ROS1: variants seen among roughly 807,000 people sequenced by gnomAD.
ROS1 encodes the protein proto-oncogene tyrosine-protein kinase ROS.
Under a neutral mutation model 273.5 loss-of-function variants are expected in ROS1, and 263 were observed. The ratio of observed to expected loss-of-function variants is 0.96; its 90% CI spans 0.87 to 1.06. The LOEUF (loss-of-function observed/expected upper bound fraction) is 1.06, where lower values mean the gene tolerates loss of function less well. Ranked by LOEUF, ROS1 falls within the 50% of genes least tolerant of loss-of-function variation. ROS1 has a pLI of 0.00. For synonymous variants in ROS1, 1,008 were observed against 954.1 expected (o/e 1.06, Z -1.04); for missense variants, 2,833 against 2,751.1 (o/e 1.03, Z -0.67).
At chr6:117,423,782 T>A (rs373535467) in intron 1 of ROS1, among the ~76,000 whole-genome samples, 2 of 152,108 alleles carry the variant, frequency 1.3e-5, no homozygotes, top group South Asian at 4.2e-4. Flanking sequence ...TAAATGTCCA[T>A]GTTTTTAAAA....
intron 6 of ROS1, among the ~76,000 whole-genome samples, 157 bp from the exon 7 acceptor site, chr6:117,403,434 C>A (rs1217886888): frequency 1.3e-5 from 2 of 152,164 alleles, no homozygotes; most frequent in Non-Finnish European, 2.9e-5. Context: ...TATCAGCGTG[C>A]AGAATTCACT....
chr6:117,346,718 T>G (rs1479664908), intron 27 of ROS1, among the ~76,000 whole-genome samples: 1 of 152,146 alleles, frequency 6.6e-6, no homozygotes, highest in Non-Finnish European at 1.5e-5. Flanking sequence ...AGTAGTACAT[T>G]TGTTACAATC....
intron 29 of ROS1, 65 bp downstream of exon 29, chr6:117,342,335 C>G (rs922413469): frequency 1.4e-6 from 2 of 1,391,860 alleles, no homozygotes; most frequent in Non-Finnish European, 2.0e-6. Context: ...AAATAAACAT[C>G]AACATACACA....
At chr6:117,297,852 C>G (rs1284770881) in intron 43 of ROS1, among the ~76,000 whole-genome samples, 1 of 152,032 alleles carries the variant, frequency 6.6e-6, no homozygotes, top group African/African-American at 2.4e-5. Context: ...GCAATCAATC[C>G]AGCAATTCCA....
At chr6:117,424,263 A>T (rs190233381) in intron 1 of ROS1, among the ~76,000 whole-genome samples, 80 of 152,078 alleles carry the variant, frequency 5.3e-4, no homozygotes, top group African/African-American at 1.8e-3. Flanking sequence ...TCACAATACA[A>T]TGTAATGAAA....
intron 43 of ROS1, among the ~76,000 whole-genome samples, chr6:117,294,287 A>G (rs555933521): frequency 2.7e-4 from 41 of 152,308 alleles, no homozygotes; most frequent in Admixed American, 4.6e-4. Context: ...TATTCAACAT[A>G]GTACTGTAAG....
chr6:117,306,566 C>T (rs1775119852), intron 42 of ROS1, among the ~76,000 whole-genome samples: 1 of 152,128 alleles, frequency 6.6e-6, no homozygotes, highest in African/African-American at 2.4e-5. Context: ...CTGAACCTGG[C>T]ATTCCATTAA....
At chr6:117,354,725 T>C (rs551745142) in intron 26 of ROS1, among the ~76,000 whole-genome samples, 3 of 152,316 alleles carry the variant, frequency 2.0e-5, no homozygotes, top group South Asian at 2.1e-4. Context: ...GTTTTATACA[T>C]ATATAATGGT....
chr6:117,394,525 G>A, intron 10 of ROS1, 91 bp downstream of exon 10: 1 of 1,124,514 alleles, frequency 8.9e-7, no homozygotes, highest in Non-Finnish European at 1.2e-6. Context: ...ATATGTTCCA[G>A]AAATATTCAA....
At chr6:117,314,935 A>G (rs1207234511) in intron 39 of ROS1, among the ~76,000 whole-genome samples, 2 of 152,152 alleles carry the variant, frequency 1.3e-5, no homozygotes, top group African/African-American at 2.4e-5. Context: ...CAAGAATACT[A>G]AACATTTGAG....
chr6:117,316,096 A>G (rs1775899598), intron 39 of ROS1, among the ~76,000 whole-genome samples: 2 of 152,158 alleles, frequency 1.3e-5, no homozygotes, highest in Non-Finnish European at 2.9e-5. Flanking sequence ...CAAAATTGTG[A>G]TAATTGTCAG....
chr6:117,394,210 G>A lies in ROS1; in HGVS notation c.1143C>T (p.Ile381=). 1 of 1,602,940 alleles carries A rather than the reference G, an allele frequency of 6.2e-7. No individual in the cohort carries two copies. The highest frequency in any genetic ancestry group is 1.1e-5 in the South Asian group (1 of 88,800). Residue 381 remains isoleucine (I), a synonymous_variant, in exon 11 of 44, where the codon ATC becomes ATT. Coordinates refer to ENST00000368507, the MANE Select transcript of ROS1 (RefSeq NM_001378902.1). ...TTCTTTGATAAAGCCAATCTATGGA[G>A]ATAGAAGAAATTAATCCTGAACCTC... ...FYRGSGLISS[I]SIDWLYQRMY...
At chr6:117,418,530 A>G (rs749492893) in intron 1 of ROS1, 24 bp from the exon 2 acceptor site, 1 of 1,584,884 alleles carries the variant, frequency 6.3e-7, no homozygotes, top group Non-Finnish European at 8.6e-7. Flanking sequence ...GGAGGTAGTA[A>G]ACACCAGCCA....
intron 41 of ROS1, among the ~76,000 whole-genome samples, chr6:117,309,659 G>A (rs1775383907): frequency 6.6e-6 from 1 of 152,054 alleles, no homozygotes; most frequent in African/African-American, 2.4e-5. Flanking sequence ...ATAAAGGGAT[G>A]TCCAAATCTC....
chr6:117,418,074 C>G (rs568023898), intron 2 of ROS1, among the ~76,000 whole-genome samples: 45 of 152,206 alleles, frequency 3.0e-4, no homozygotes, highest in African/African-American at 1.1e-3. Flanking sequence ...ATGCTTATAC[C>G]TTAAGTCACT....
intron 42 of ROS1, among the ~76,000 whole-genome samples, chr6:117,305,717 T>C (rs1312404663): frequency 2.0e-5 from 3 of 152,194 alleles, no homozygotes; most frequent in Non-Finnish European, 2.9e-5. Flanking sequence ...TAATCCTAAA[T>C]GTATTTCTTA....
chr6:117,334,922 T>C (rs9481700), intron 32 of ROS1, among the ~76,000 whole-genome samples: 6,616 of 152,248 alleles, frequency 0.043, 237 homozygotes, highest in African/African-American at 0.1. Context: ...ATTCAGGACA[T>C]AGGCATGGGC....
rs148131056 is a variant in ROS1 at position 117,389,591 on chromosome 6, G to A, written c.1545C>T (p.Asn515=). ...FADVKSFACE[N]NDFLVTDGKV... Reference sequence around the variant, plus strand: ...TGCCATCTGTGACAAGAAAGTCATTGTTTTCACAAGCAAAACTTTTCACAT... The same window carrying A: ...TGCCATCTGTGACAAGAAAGTCATTATTTTCACAAGCAAAACTTTTCACAT... The change falls in exon 13 of 44, where the codon AAC becomes AAT. Residue 515 remains asparagine, a synonymous_variant. Coordinates refer to ENST00000368507, the MANE Select transcript of ROS1 (RefSeq NM_001378902.1). The A allele has an allele frequency of 5.6e-6, 9 of 1,614,106 alleles. No homozygotes were observed. Among genetic ancestry groups the A allele is most frequent in the African/African-American group, 5.3e-5 (4 of 74,934 alleles).
intron 43 of ROS1, among the ~76,000 whole-genome samples, chr6:117,291,659 C>T (rs900428922): frequency 6.6e-6 from 1 of 152,148 alleles, no homozygotes; most frequent in Non-Finnish European, 1.5e-5. Flanking sequence ...GTAATATCCG[C>T]TTCATAAGGC....
Sources: allele counts gnomAD v4.1 joint callset (sites outside exome capture counted in the v4.1 genomes callset), GRCh38; gene constraint gnomAD v4.1.1; transcripts MANE v1.5; gene names NCBI Gene and HGNC (gene_info 2026-07-23, HGNC 2026-07-21).